TTLL7: variants seen among roughly 807,000 people sequenced by gnomAD.
TTLL7 encodes the protein tubulin tyrosine ligase like 7.
A neutral mutation model predicts 120.2 loss-of-function variants in TTLL7; 53 were observed. That is an observed-to-expected ratio of 0.44 (90% CI 0.35 to 0.55). The LOEUF (loss-of-function observed/expected upper bound fraction) is 0.55, where lower values mean the gene tolerates loss of function less well. TTLL7 is among the 20% of genes least tolerant of loss of function. TTLL7 has a pLI of 0.00. For missense variants in TTLL7, 803 were observed against 1,054.7 expected (o/e 0.76, Z 3.31); for synonymous variants, 353 against 351.7 (o/e 1.00, Z -0.04).
chr1:83,993,726 C>T (rs572909858), intron 1 of TTLL7, among the ~76,000 whole-genome samples: 1 of 152,008 alleles, frequency 6.6e-6, no homozygotes, highest in East Asian at 1.9e-4. Context: ...AAACATAAGC[C>T]AACTAGTTGC....
intron 1 of TTLL7, among the ~76,000 whole-genome samples, chr1:83,982,007 C>A (rs532576530): frequency 3.9e-5 from 6 of 152,250 alleles, no homozygotes; most frequent in African/African-American, 1.4e-4. Flanking sequence ...AGTGCCCATA[C>A]AGCACTCACC....
intron 9 of TTLL7, among the ~76,000 whole-genome samples, chr1:83,929,902 T>G (rs544334317): frequency 6.6e-6 from 1 of 152,278 alleles, no homozygotes; most frequent in South Asian, 2.1e-4. Context: ...CACCAACTAA[T>G]CCCTTAGGCT....
chr1:83,951,802 C>A, intron 3 of TTLL7, 43 bp downstream of exon 3: 1 of 1,558,944 alleles, frequency 6.4e-7, no homozygotes, highest in Non-Finnish European at 8.6e-7. Context: ...TCAGTTTTTC[C>A]AGCAATTATG....
chr1:83,874,848 G>A (rs1249743337), intron 20 of TTLL7, among the ~76,000 whole-genome samples: 4 of 151,796 alleles, frequency 2.6e-5, no homozygotes, highest in Non-Finnish European at 5.9e-5. Context: ...ACAGAGTATG[G>A]AGCCAATGAA....
intron 9 of TTLL7, among the ~76,000 whole-genome samples, chr1:83,930,009 C>T (rs908389418): frequency 3.3e-5 from 5 of 151,970 alleles, no homozygotes; most frequent in Admixed American, 1.3e-4. Context: ...ACAACTTGCA[C>T]CTGAAGAAAT....
rs574919032 is a variant in TTLL7 at position 83,917,149 on chromosome 1, T to G, written c.1587+455A>C. On this transcript the variant is annotated intron_variant, in intron 14 of 20. Coordinates refer to ENST00000260505, the MANE Select transcript of TTLL7 (RefSeq NM_024686.6). The stretch of plus-strand genomic sequence containing the variant: ...ATGTAGATGTCATCTACATGACAGC[T>G]TTCTACTTATTTCTAGGAATTACAC... 9.3e-4 allele frequency among the ~76,000 whole-genome samples: 140 copies of G among 150,560 alleles called. 1 individual carries two copies. Among genetic ancestry groups the G allele is most frequent in the African/African-American group, 3.0e-3 (125 of 41,018 alleles).
chr1:83,947,451 G>T, intron 5 of TTLL7, 169 bp from the exon 6 acceptor site: 1 of 571,086 alleles, frequency 1.8e-6, no homozygotes, highest in Non-Finnish European at 2.9e-6. Context: ...CCTATTAAGT[G>T]TTAGACACTA....
chr1:83,918,299 T>C (rs1305837563), intron 13 of TTLL7, among the ~76,000 whole-genome samples: 1 of 152,168 alleles, frequency 6.6e-6, no homozygotes, highest in Non-Finnish European at 1.5e-5. Context: ...TGCGTTCTAC[T>C]AGAGTCATAT....
At chr1:83,888,328 G>A (rs1316990829) in intron 19 of TTLL7, among the ~76,000 whole-genome samples, 2 of 151,910 alleles carry the variant, frequency 1.3e-5, no homozygotes, top group Non-Finnish European at 2.9e-5. Flanking sequence ...GAGTTCAAAT[G>A]TTTCACTTAG....
intron 18 of TTLL7, among the ~76,000 whole-genome samples, chr1:83,892,278 GAATATATATGTATAT>G (rs1180545645): frequency 5.3e-5 from 4 of 76,002 alleles, no homozygotes; most frequent in Non-Finnish European, 1.0e-4. Context: ...GAATATATAT[GAATATATATGTATAT>G]ATGAATATAT....
chr1:83,949,732 A>G, intron 4 of TTLL7, 133 bp downstream of exon 4: 1 of 961,858 alleles, frequency 1.0e-6, no homozygotes, highest in Non-Finnish European at 1.6e-6. Flanking sequence ...ACTGGATAGC[A>G]ACAAAACAGG....
Position 83,868,923 on chromosome 1 carries a change from TTTTA to T in TTLL7, c.*1035_*1038del, listed in dbSNP as rs1429910562. The T allele has an allele frequency of 1.2e-4, 18 of 151,312 alleles. No homozygotes were observed. In the East Asian group the frequency reaches 2.1e-3, roughly 18 times the overall value. 9.4% of individuals were successfully genotyped at this position (151,312 alleles called of 1,614,324 possible). On this transcript the variant is annotated 3_prime_UTR_variant, in exon 21 of 21. Coordinates refer to ENST00000260505, the MANE Select transcript of TTLL7 (RefSeq NM_024686.6). ...TTTTAACCCATTGGATTGTCTTCCA[TTTTA>T]TTTATTTATTTTTATCTTCTTTTTA...
intron 3 of TTLL7, among the ~76,000 whole-genome samples, chr1:83,951,529 T>A (rs1010754700): frequency 1.3e-5 from 2 of 152,162 alleles, no homozygotes; most frequent in African/African-American, 4.8e-5. Context: ...ATTATGAAAT[T>A]CACAGCTTGA....
At position 83,907,611 on chromosome 1, in the gene TTLL7, G is replaced by C. The variant is rs1178426500; in HGVS notation, c.1837C>G (p.Pro613Ala). 6.2e-7 allele frequency: 1 copy of C among 1,613,128 alleles called. No individual in the cohort carries two copies. Among genetic ancestry groups the C allele is most frequent in the Non-Finnish European group, 8.5e-7 (1 of 1,179,548 alleles). ...AATGGGCGGGTGTCCCCACTGGAAGGTGATTGAGCAGAGATGGACCGAGGG... is the reference window on the plus strand; with the variant it reads ...AATGGGCGGGTGTCCCCACTGGAAGCTGATTGAGCAGAGATGGACCGAGGG... Reference protein sequence around the residue: ...SCPRSISAQSPSSGDTRPFSA... With the variant: ...SCPRSISAQSASSGDTRPFSA... The change falls in exon 16 of 21, where the codon CCT becomes GCT. Residue 613 changes from proline (P) to alanine (A), a missense_variant. Transcript: ENST00000260505.
intron 5 of TTLL7, among the ~76,000 whole-genome samples, chr1:83,947,932 C>T (rs1648666041): frequency 6.6e-6 from 1 of 151,898 alleles, no homozygotes; most frequent in Non-Finnish European, 1.5e-5. Flanking sequence ...GCAAAAAACC[C>T]TAGTCAACAG....
intron 6 of TTLL7, among the ~76,000 whole-genome samples, chr1:83,944,580 C>T (rs141290120): frequency 0.029 from 4,431 of 152,170 alleles, 87 homozygotes; most frequent in East Asian, 0.049. Flanking sequence ...TGGTGGCATA[C>T]GCCTGTAATC....
Position 83,951,863 on chromosome 1 carries a change from C to T in TTLL7, c.139G>A (p.Gly47Arg). 2 of 1,609,008 alleles carry T rather than the reference C, an allele frequency of 1.2e-6. No individual in the cohort carries two copies. The highest frequency in any genetic ancestry group is 1.7e-6 in the Non-Finnish European group (2 of 1,178,574). ...KKGTITANVA[G>R]TKFEIVRLVI... ...AACCTACCAATTTCAAACTTTGTCC[C>T]GGCAACATTTGCTGTAATGGTTCCC... Residue 47 changes from glycine to arginine, a missense_variant, in exon 3 of 21, where the codon GGG (glycine) becomes AGG (arginine). Gly to Arg is a moderately radical substitution (Grantham distance 125, BLOSUM62 -2). Coordinates refer to ENST00000260505, the MANE Select transcript of TTLL7 (RefSeq NM_024686.6).
At chr1:83,890,190 G>A in intron 19 of TTLL7, 131 bp downstream of exon 19, 3 of 855,420 alleles carry the variant, frequency 3.5e-6, no homozygotes, top group Non-Finnish European at 5.4e-6. Flanking sequence ...TTATAGTTGA[G>A]TACTAAACAT....
At chr1:83,951,753 G>A (rs1649075569) in intron 3 of TTLL7, 92 bp downstream of exon 3, 1 of 1,372,958 alleles carries the variant, frequency 7.3e-7, no homozygotes, top group Non-Finnish European at 9.8e-7. Flanking sequence ...TAAAAGATAA[G>A]TTATCTCTTT....
Sources: gnomAD v4.1 joint callset for allele counts (sites outside exome capture counted in the v4.1 genomes callset) on GRCh38, gnomAD v4.1.1 for gene constraint, MANE v1.5 for transcripts, NCBI Gene and HGNC (gene_info 2026-07-23, HGNC 2026-07-21) for gene names.